The following RIC1 variants were observed in gnomAD, a reference collection of about 807,000 sequenced individuals.
The protein encoded by RIC1 is guanine nucleotide exchange factor subunit RIC1.
RIC1 carries 88 observed loss-of-function variants against 169.0 expected under a neutral mutation model. The ratio of observed to expected loss-of-function variants is 0.52; its 90% CI spans 0.44 to 0.62. RIC1 has a LOEUF of 0.62. RIC1 is among the 20% of genes least tolerant of loss of function. RIC1 has a pLI of 0.00. For synonymous variants in RIC1, 790 were observed against 601.5 expected, an observed-to-expected ratio of 1.31 and a Z score of -4.59; for missense variants, 1,877 against 1,725.5, an observed-to-expected ratio of 1.09 and a Z score of -1.56.
At chr9:5,686,552 T>A (rs1821240459) in intron 2 of RIC1, among the ~76,000 whole-genome samples, 1 of 145,224 alleles carries the variant, frequency 6.9e-6, no homozygotes, top group African/African-American at 2.6e-5. Flanking sequence ...CCGCATATTC[T>A]CACTCATAGG....
chr9:5,685,266 G>A (rs1563898831), intron 2 of RIC1, among the ~76,000 whole-genome samples: 2 of 149,556 alleles, frequency 1.3e-5, no homozygotes, highest in East Asian at 2.0e-4. Flanking sequence ...CACAGAATTG[G>A]AAAAAACTAC....
chr9:5,707,494 C>G (rs1002881417), intron 3 of RIC1, among the ~76,000 whole-genome samples: 1 of 152,082 alleles, frequency 6.6e-6, no homozygotes, highest in Admixed American at 6.5e-5. Flanking sequence ...TATTACACAT[C>G]TATTTTTCCC....
chr9:5,711,225 T>C (rs572046421), intron 3 of RIC1, among the ~76,000 whole-genome samples: 1 of 152,294 alleles, frequency 6.6e-6, no homozygotes, highest in Non-Finnish European at 1.5e-5. Context: ...ACAGCCACAC[T>C]TGAGAATCTA....
intron 6 of RIC1, among the ~76,000 whole-genome samples, chr9:5,725,130 T>C (rs1823880616): frequency 6.6e-6 from 1 of 152,240 alleles, no homozygotes; most frequent in Admixed American, 6.5e-5. Flanking sequence ...TCAGAAGGAA[T>C]GGTACCAGTT....
chr9:5,649,994 A>G (rs886269934), intron 1 of RIC1, among the ~76,000 whole-genome samples: 3 of 152,042 alleles, frequency 2.0e-5, no homozygotes, highest in African/African-American at 7.2e-5. Context: ...TTAGGGTGCA[A>G]TTGTTAGCAG....
intron 1 of RIC1, among the ~76,000 whole-genome samples, chr9:5,650,303 C>T (rs1818730957): frequency 6.6e-6 from 1 of 152,004 alleles, no homozygotes; most frequent in Admixed American, 6.5e-5. Flanking sequence ...TCTCAGGCTT[C>T]CCTGTAGGAG....
At chr9:5,655,365 A>G (rs1433366769) in intron 1 of RIC1, among the ~76,000 whole-genome samples, 4 of 151,932 alleles carry the variant, frequency 2.6e-5, no homozygotes, top group Non-Finnish European at 4.4e-5. Flanking sequence ...CAGTCTCACA[A>G]TCTCAGCTCA....
At chr9:5,742,834 ATTTATT>A in intron 8 of RIC1, 29 bp from the exon 9 acceptor site, 2 of 1,553,458 alleles carry the variant, frequency 1.3e-6, no homozygotes, top group South Asian at 2.4e-5. Context: ...TGAAGCAACT[ATTTATT>A]TTTAACTCTT....
chr9:5,694,198 A>G (rs1821756712), intron 3 of RIC1, among the ~76,000 whole-genome samples: 1 of 152,220 alleles, frequency 6.6e-6, no homozygotes, highest in Non-Finnish European at 1.5e-5. Flanking sequence ...GCTTCTTTGC[A>G]GAAGAAACCT....
At chr9:5,683,836 C>G (rs919953699) in intron 2 of RIC1, among the ~76,000 whole-genome samples, 14 of 152,188 alleles carry the variant, frequency 9.2e-5, no homozygotes, top group South Asian at 4.1e-4. Flanking sequence ...ACTCAAGCCT[C>G]GGGAATGGCG....
Position 5,649,545 on chromosome 9 carries a change from T to C in RIC1, c.145-7038T>C, listed in dbSNP as rs756099605. Among the ~76,000 whole-genome samples the C allele has an allele frequency of 2.0e-5, 3 of 152,142 alleles. No individual in the cohort carries two copies. In the East Asian group the frequency reaches 5.8e-4, roughly 29 times the overall value. ...TCTGTTTGGTTCCTTTTTTATGATATCTATCTTTTTGGTGAATTTTTCATT... is the reference window on the plus strand; with the variant it reads ...TCTGTTTGGTTCCTTTTTTATGATACCTATCTTTTTGGTGAATTTTTCATT... On this transcript the variant is annotated intron_variant, in intron 1 of 25. Transcript: ENST00000414202.
chr9:5,631,484 G>A (rs1817712392), intron 1 of RIC1, among the ~76,000 whole-genome samples: 1 of 151,960 alleles, frequency 6.6e-6, no homozygotes, highest in Non-Finnish European at 1.5e-5. Flanking sequence ...TCAAGAGATC[G>A]AGACCATCCT....
At chr9:5,764,537 G>GT (rs1826565990) in intron 19 of RIC1, among the ~76,000 whole-genome samples, 2 of 152,198 alleles carry the variant, frequency 1.3e-5, no homozygotes, top group Non-Finnish European at 2.9e-5. Context: ...TTACTGCAAA[G>GT]TTGTTTCCAT....
At chr9:5,684,633 C>T (rs932720692) in intron 2 of RIC1, among the ~76,000 whole-genome samples, 1 of 151,944 alleles carries the variant, frequency 6.6e-6, no homozygotes, top group African/African-American at 2.4e-5. Flanking sequence ...ATAGTTAATT[C>T]CATTAGGAGT....
intron 2 of RIC1, among the ~76,000 whole-genome samples, chr9:5,674,448 A>ACAAAGTTAATATTATATT (rs1191188776): frequency 3.9e-5 from 6 of 152,198 alleles, no homozygotes; most frequent in African/African-American, 1.4e-4. Flanking sequence ...TATTTATCTT[A>ACAAAGTTAATATTATATT]ACATCTCCAC....
intron 3 of RIC1, among the ~76,000 whole-genome samples, chr9:5,709,531 G>A (rs149801033): frequency 1.2e-4 from 19 of 152,196 alleles, no homozygotes; most frequent in Admixed American, 3.3e-4. Flanking sequence ...ACAAATGATT[G>A]GTTGAGAGGA....
chr9:5,684,977 TG>T, intron 2 of RIC1, among the ~76,000 whole-genome samples: 1 of 152,182 alleles, frequency 6.6e-6, no homozygotes, highest in East Asian at 1.9e-4. Flanking sequence ...TATTTAATTT[TG>T]TTAAACCCCA....
At chr9:5,747,993 T>C (rs756858783) in intron 12 of RIC1, among the ~76,000 whole-genome samples, 3 of 152,206 alleles carry the variant, frequency 2.0e-5, no homozygotes, top group Non-Finnish European at 4.4e-5. Context: ...TTAATACTTT[T>C]ATTAGCTAAT....
chr9:5,641,676 T>TTTA (rs1818258218), intron 1 of RIC1, among the ~76,000 whole-genome samples: 1 of 115,394 alleles, frequency 8.7e-6, no homozygotes, highest in African/African-American at 5.2e-5. Context: ...ACTAATTCTT[T>TTTA]CTTCTGCTTG....
Sources: gnomAD v4.1 joint callset for allele counts (sites outside exome capture counted in the v4.1 genomes callset) on GRCh38, gnomAD v4.1.1 for gene constraint, MANE v1.5 for transcripts, NCBI Gene and HGNC (gene_info 2026-07-23, HGNC 2026-07-21) for gene names.